The following TRAF2 variants were observed in gnomAD, a reference collection of about 807,000 sequenced individuals.
TRAF2 encodes the protein TNF receptor associated factor 2, also known as TNF receptor-associated factor 2.
TRAF2 carries 6 observed loss-of-function variants against 55.6 expected under a neutral mutation model. That is an observed-to-expected ratio of 0.11 (90% CI 0.06 to 0.21). TRAF2 has a LOEUF of 0.21. TRAF2 is among the 10% of genes least tolerant of loss of function. TRAF2 has a pLI of 1.00. For missense variants in TRAF2, 561 were observed against 684.5 expected (o/e 0.82, Z 2.01); for synonymous variants, 329 against 276.3 (o/e 1.19, Z -1.89).
At chr9:136,920,173 GT>G in intron 7 of TRAF2, 60 bp from the exon 8 acceptor site, 3 of 1,515,976 alleles carry the variant, frequency 2.0e-6, no homozygotes, top group Non-Finnish European at 2.6e-6. Flanking sequence ...CTTGGTGGCC[GT>G]CCCCGGGTGG....
chr9:136,917,876 C>T (rs961636891), intron 7 of TRAF2, among the ~76,000 whole-genome samples: 4 of 152,076 alleles, frequency 2.6e-5, no homozygotes, highest in East Asian at 3.9e-4. Flanking sequence ...AGTGACCACC[C>T]GGGCCTCAGT....
At position 136,905,982 on chromosome 9, in the gene TRAF2, G is replaced by A. The variant is rs17250337; in HGVS notation, c.367-2088G>A. ...TAGCCGGGTGTGGTGGCGGGCGCCC[G>A]TAGTCCCAGCTACTCAGGAGGCTGA... On this transcript the variant is annotated intron_variant, in intron 4 of 10. Coordinates refer to ENST00000247668, the MANE Select transcript of TRAF2 (RefSeq NM_021138.4). Among the ~76,000 whole-genome samples the A allele has an allele frequency of 1.8e-3, 276 of 152,302 alleles. 1 individual carries two copies. In the Middle Eastern group the frequency reaches 0.024, roughly 13 times the overall value.
intron 4 of TRAF2, among the ~76,000 whole-genome samples, chr9:136,906,299 C>T (rs767688900): frequency 8.6e-5 from 13 of 152,000 alleles, no homozygotes; most frequent in South Asian, 4.1e-4. Context: ...AAGAAATACC[C>T]GAGACTTGGG....
intron 9 of TRAF2, 29 bp downstream of exon 9, chr9:136,921,244 C>T: frequency 6.2e-7 from 1 of 1,611,466 alleles, no homozygotes; most frequent in Non-Finnish European, 8.5e-7. Context: ...CACCTCACTG[C>T]AGCTGCTGTT....
rs767377994 is a variant in TRAF2 at position 136,926,076 on chromosome 9, C to T, written c.*175C>T. 10 of 830,098 alleles carry T rather than the reference C, an allele frequency of 1.2e-5. No individual in the cohort carries two copies. In the Admixed American group the frequency reaches 1.2e-4, roughly 10 times the overall value. 51.4% of individuals were successfully genotyped at this position (830,098 alleles called of 1,614,324 possible). ...TGTCACGGGGGAAGGAGCCACCAGCCAGTCCTCAGATTTCAGAGACTGCGG... is the reference window on the plus strand; with the variant it reads ...TGTCACGGGGGAAGGAGCCACCAGCTAGTCCTCAGATTTCAGAGACTGCGG... On this transcript the variant is annotated 3_prime_UTR_variant, in exon 11 of 11. Transcript: ENST00000247668.
rs752164973 is a variant in TRAF2, at chr9:136,920,288, G to T, written c.733G>T (p.Ala245Ser). Reference protein sequence around the residue: ...HEVQWLREHLAMLLSSVLEAK... With the variant: ...HEVQWLREHLSMLLSSVLEAK... ...GGTGCAGTGGCTGCGGGAGCACCTG[G>T]CCATGCTACTGAGCTCGGTGCTGGA... Residue 245 changes from alanine (A) to serine (S), a missense_variant, in exon 8 of 11, where the codon GCC (alanine) becomes TCC (serine). Transcript: ENST00000247668. 7 of 1,613,564 alleles carry T rather than the reference G, an allele frequency of 4.3e-6. No homozygotes were observed. In the Admixed American group the frequency reaches 8.3e-5, roughly 19 times the overall value.
At chr9:136,918,257 ATTTATTTAAT>A (rs1440399522) in intron 7 of TRAF2, among the ~76,000 whole-genome samples, 1 of 21,850 alleles carries the variant, frequency 4.6e-5, no homozygotes, top group African/African-American at 2.7e-4. Flanking sequence ...ATATATATAT[ATTTATTTAAT>A]TAATTAATTT....
chr9:136,884,862 T>C (rs1849416707), upstream of TRAF2, among the ~76,000 whole-genome samples: 1 of 152,226 alleles, frequency 6.6e-6, no homozygotes, highest in Non-Finnish European at 1.5e-5. Flanking sequence ...ACGTGAACCC[T>C]TTCTCATCCC....
chr9:136,904,847 G>T (rs906121589), intron 4 of TRAF2, among the ~76,000 whole-genome samples: 11 of 151,942 alleles, frequency 7.2e-5, no homozygotes, highest in Non-Finnish European at 1.0e-4. Flanking sequence ...TGTGGCCGAG[G>T]GCTGGGTCCT....
chr9:136,901,787 C>T (rs538630531), intron 4 of TRAF2, among the ~76,000 whole-genome samples: 88 of 152,246 alleles, frequency 5.8e-4, no homozygotes, highest in African/African-American at 1.7e-3. Context: ...GGGGTGTTAC[C>T]GGCTGGGTTG....
At position 136,921,079 on chromosome 9, in the gene TRAF2, G is replaced by A. The variant is rs146825488; in HGVS notation, c.1002G>A (p.Ala334=). Residue 334 remains alanine (A), a synonymous_variant, in exon 9 of 11, where the codon GCG becomes GCA. Coordinates refer to ENST00000247668, the MANE Select transcript of TRAF2 (RefSeq NM_021138.4). ...LERSIGLKDL[A]MADLEQKVLE... ...GGAGCATTGGCCTCAAGGACCTGGCGATGGCTGACTTGGAGCAGAAGGTCT... is the reference window on the plus strand; with the variant it reads ...GGAGCATTGGCCTCAAGGACCTGGCAATGGCTGACTTGGAGCAGAAGGTCT... 1,225 of 1,614,064 alleles carry A rather than the reference G, an allele frequency of 7.6e-4. 11 individuals are homozygous for A. In the African/African-American group the frequency reaches 0.014, roughly 19 times the overall value.
chr9:136,883,613 T>G (rs1313110351), upstream of TRAF2, among the ~76,000 whole-genome samples: 1 of 151,930 alleles, frequency 6.6e-6, no homozygotes, highest in African/African-American at 2.4e-5. Context: ...GCCTCCCAGG[T>G]TCAAGTGATT....
intron 4 of TRAF2, among the ~76,000 whole-genome samples, chr9:136,904,732 C>CT (rs1849906455): frequency 6.7e-6 from 1 of 150,368 alleles, no homozygotes; most frequent in Non-Finnish European, 1.5e-5. Flanking sequence ...TTAATTAAAT[C>CT]TAAGAACATT....
At chr9:136,913,152 CAAT>C (rs938072999) in intron 6 of TRAF2, among the ~76,000 whole-genome samples, 4 of 151,858 alleles carry the variant, frequency 2.6e-5, no homozygotes, top group Non-Finnish European at 5.9e-5. Flanking sequence ...CAAAAAAAAA[CAAT>C]AAACAAAAAC....
chr9:136,905,962 G>A (rs994076796), intron 4 of TRAF2, among the ~76,000 whole-genome samples: 1 of 152,146 alleles, frequency 6.6e-6, no homozygotes, highest in African/African-American at 2.4e-5. Flanking sequence ...AAAATTAGCC[G>A]GGTGTGGTGG....
chr9:136,911,982 T>C (rs1349553711), intron 6 of TRAF2, among the ~76,000 whole-genome samples: 2 of 150,386 alleles, frequency 1.3e-5, no homozygotes, highest in Non-Finnish European at 3.0e-5. Flanking sequence ...CCCGAGTAGC[T>C]GGGACTACAG....
Position 136,920,585 on chromosome 9 carries a change from G to C in TRAF2, c.960+70G>C, listed in dbSNP as rs561637538. The C allele has an allele frequency of 1.0e-5, 15 of 1,494,664 alleles. No homozygotes were observed. The East Asian group carries it at 3.6e-4, about 36-fold the overall frequency. The allele number at this position is 1,494,664 out of a possible 1,614,324, so 92.6% of individuals were successfully genotyped here. A position where few individuals can be genotyped will look rare whatever the true frequency, so the allele number is the denominator to read the frequency against. On this transcript the variant is annotated intron_variant, in intron 8 of 10. Coordinates refer to ENST00000247668, the MANE Select transcript of TRAF2 (RefSeq NM_021138.4). Reference sequence around the variant, plus strand: ...GGGGGATAGTGTTCGTGCCCCAGCAGGTTCTAGCAGGTCCTGGAGCTTTAG... The same window carrying C: ...GGGGGATAGTGTTCGTGCCCCAGCACGTTCTAGCAGGTCCTGGAGCTTTAG...
At chr9:136,923,730 C>T (rs1320700874) in intron 9 of TRAF2, 122 bp from the exon 10 acceptor site, 1 of 1,041,110 alleles carries the variant, frequency 9.6e-7, no homozygotes, top group Non-Finnish European at 1.4e-6. Flanking sequence ...TTCTTTGCAC[C>T]CCAGAACCTG....
chr9:136,915,257 G>A lies in TRAF2; in HGVS notation c.604-1284G>A, dbSNP rs17250490. The stretch of plus-strand genomic sequence containing the variant: ...CTACAAAAAAGGTGCATTCTGAGAC[G>A]TCAGAGGGAAATGTGTCAGGCTCCC... On this transcript the variant is annotated intron_variant, in intron 6 of 10. Coordinates refer to ENST00000247668, the MANE Select transcript of TRAF2 (RefSeq NM_021138.4). Among the ~76,000 whole-genome samples the A allele has an allele frequency of 1.5e-3, 222 of 152,316 alleles. 1 individual carries two copies. The highest frequency in any genetic ancestry group is 5.0e-3 in the African/African-American group (209 of 41,566).
Sources: allele counts gnomAD v4.1 joint callset (sites outside exome capture counted in the v4.1 genomes callset), GRCh38; gene constraint gnomAD v4.1.1; transcripts MANE v1.5; gene names NCBI Gene and HGNC (gene_info 2026-07-23, HGNC 2026-07-21).